Variants in CCDC7 observed in about 807,000 individuals in gnomAD.
CCDC7 encodes the protein coiled-coil domain containing 7.
CCDC7 carries 183 observed loss-of-function variants against 196.9 expected under a neutral mutation model. The ratio of observed to expected loss-of-function variants is 0.93; its 90% CI spans 0.82 to 1.05. The LOEUF (loss-of-function observed/expected upper bound fraction) is 1.05. Ranked by LOEUF, CCDC7 falls within the 50% of genes least tolerant of loss-of-function variation. The probability of loss-of-function intolerance (pLI) is 0.00; values close to 1 mark genes in which losing one functional copy is unlikely to be tolerated. For missense variants in CCDC7, 1,540 were observed against 1,482.2 expected (o/e 1.04, Z -0.64); for synonymous variants, 525 against 484.6 (o/e 1.08, Z -1.10).
intron 35 of CCDC7, 54 bp from the exon 37 acceptor site, chr10:32,845,822 G>T (rs1486158517): frequency 5.2e-6 from 7 of 1,338,528 alleles, no homozygotes; most frequent in African/African-American, 1.5e-5. Context: ...TACACACAGA[G>T]GTATGGTAAT....
intron 20 of CCDC7, among the ~76,000 whole-genome samples, chr10:32,643,989 C>A (rs965469254): frequency 2.0e-5 from 3 of 151,092 alleles, no homozygotes; most frequent in South Asian, 4.2e-4. Flanking sequence ...ATATTTTTAA[C>A]AATTCAGAGG....
At chr10:32,645,111 T>G (rs1209972911) in intron 20 of CCDC7, among the ~76,000 whole-genome samples, 1 of 152,204 alleles carries the variant, frequency 6.6e-6, no homozygotes, top group Admixed American at 6.5e-5. Context: ...TCAACATCAC[T>G]AATCATCAGA....
rs57077120 is a variant in CCDC7 at position 32,632,464 on chromosome 10, A to G, written c.1802-1790A>G. Among the ~76,000 whole-genome samples, 24 of 151,436 alleles carry G rather than the reference A, an allele frequency of 1.6e-4. No homozygotes were observed. In the East Asian group the frequency reaches 4.4e-3, roughly 28 times the overall value. ...TTTTCTTATTCTTTCTTTTATTTAT[A>G]TAAATAAATATATATATTCTTTCTG... On this transcript the variant is annotated intron_variant, in intron 18 of 41. Transcript: ENST00000639629.
At chr10:32,597,521 G>T (rs1389227939) in intron 18 of CCDC7, among the ~76,000 whole-genome samples, 2 of 152,076 alleles carry the variant, frequency 1.3e-5, no homozygotes, top group Non-Finnish European at 2.9e-5. Flanking sequence ...GTCTTGTCTC[G>T]ACTCATCAAA....
At chr10:32,765,134 GA>G (rs1435879923) in intron 28 of CCDC7, among the ~76,000 whole-genome samples, 1 of 151,972 alleles carries the variant, frequency 6.6e-6, no homozygotes, top group Non-Finnish European at 1.5e-5. Flanking sequence ...AGGACCCCTT[GA>G]AGGAAGGGTA....
At chr10:32,784,508 A>G (rs11009083) in intron 29 of CCDC7, among the ~76,000 whole-genome samples, 119,475 of 152,160 alleles carry the variant, frequency 0.79, 47,185 homozygotes, top group Non-Finnish European at 0.83. Context: ...TTAGTTTGGT[A>G]AGGATAATGG....
chr10:32,662,894 A>G (rs978867115), intron 20 of CCDC7, among the ~76,000 whole-genome samples: 1 of 152,202 alleles, frequency 6.6e-6, no homozygotes, highest in African/African-American at 2.4e-5. Flanking sequence ...TTGCTGAAGT[A>G]AGAGACTATC....
chr10:32,458,224 T>G (rs956305242), intron 3 of CCDC7, among the ~76,000 whole-genome samples: 1 of 152,140 alleles, frequency 6.6e-6, no homozygotes, highest in African/African-American at 2.4e-5. Flanking sequence ...GATTTTGGGG[T>G]CTAGTTTCAT....
intron 20 of CCDC7, among the ~76,000 whole-genome samples, chr10:32,640,098 T>C (rs1328005011): frequency 1.3e-5 from 2 of 152,194 alleles, no homozygotes; most frequent in Non-Finnish European, 1.5e-5. Flanking sequence ...GATATCCTTG[T>C]TAACTTTCTG....
At chr10:32,854,115 AG>A (rs1216011197) in intron 40 of CCDC7, among the ~76,000 whole-genome samples, 1 of 152,100 alleles carries the variant, frequency 6.6e-6, no homozygotes, top group Non-Finnish European at 1.5e-5. Flanking sequence ...CCTTCTTGTA[AG>A]TAAGAACATG....
chr10:32,715,912 A>G (rs985310947), intron 25 of CCDC7, among the ~76,000 whole-genome samples: 3 of 152,236 alleles, frequency 2.0e-5, no homozygotes, highest in Admixed American at 6.5e-5. Context: ...TGAAAAGACC[A>G]AACTTAACGA....
chr10:32,628,710 TTCATTTGTC>T (rs2064403822), intron 18 of CCDC7, among the ~76,000 whole-genome samples: 1 of 152,112 alleles, frequency 6.6e-6, no homozygotes, highest in Non-Finnish European at 1.5e-5. Flanking sequence ...TATTTTCAGT[TTCATTTGTC>T]TCATTGTATG....
At chr10:32,821,966 A>C (rs2090320319) in intron 31 of CCDC7, among the ~76,000 whole-genome samples, 1 of 151,192 alleles carries the variant, frequency 6.6e-6, no homozygotes, top group South Asian at 2.1e-4. Context: ...ATAACAAAAA[A>C]AGAAAAACAA....
At chr10:32,865,770 G>A (rs2094180750) in intron 41 of CCDC7, among the ~76,000 whole-genome samples, 1 of 151,786 alleles carries the variant, frequency 6.6e-6, no homozygotes. Context: ...CTAGTCATAT[G>A]TTTGGTTTTC....
At chr10:32,496,596 A>G (rs2042951281) in intron 9 of CCDC7, among the ~76,000 whole-genome samples, 1 of 152,248 alleles carries the variant, frequency 6.6e-6, no homozygotes, top group Non-Finnish European at 1.5e-5. Context: ...AATTTTCAGC[A>G]TGAAGGGCTG....
chr10:32,449,329 G>C (rs144769113), upstream of CCDC7, among the ~76,000 whole-genome samples: 1,092 of 152,108 alleles, frequency 7.2e-3, 14 homozygotes, highest in African/African-American at 0.025. Flanking sequence ...TGAGACTACA[G>C]GTGCCCACCA....
intron 21 of CCDC7, among the ~76,000 whole-genome samples, chr10:32,671,648 C>T (rs1255092484): frequency 6.6e-6 from 1 of 152,128 alleles, no homozygotes; most frequent in Non-Finnish European, 1.5e-5. Flanking sequence ...TTTAGTTTTT[C>T]ATGTTTCTTG....
chr10:32,821,023 A>ACAGG (rs1206697785), intron 31 of CCDC7, among the ~76,000 whole-genome samples: 1 of 152,210 alleles, frequency 6.6e-6, no homozygotes, highest in African/African-American at 2.4e-5. Context: ...ATCAGAGTGA[A>ACAGG]CAGGCAACCT....
chr10:32,518,331 T>TCTTAC, intron 10 of CCDC7, 85 bp from the exon 12 acceptor site: 1 of 1,367,128 alleles, frequency 7.3e-7, no homozygotes, highest in Non-Finnish European at 9.7e-7. Context: ...ATGAAGACTT[T>TCTTAC]CTTACCTTAA....
Sources: allele counts gnomAD v4.1 joint callset (sites outside exome capture counted in the v4.1 genomes callset), GRCh38; gene constraint gnomAD v4.1.1; transcripts MANE v1.5; gene names NCBI Gene and HGNC (gene_info 2026-07-23, HGNC 2026-07-21).